ZFHX3: variants seen among roughly 807,000 people sequenced by gnomAD.
The protein encoded by ZFHX3 is zinc finger homeobox protein 3.
In ZFHX3, 42 loss-of-function variants were observed where a neutral mutation model predicts 279.1. The ratio of observed to expected loss-of-function variants is 0.15; its 90% CI spans 0.12 to 0.19. The LOEUF is 0.19. Among genes scored for constraint, ZFHX3 ranks in the 10% least tolerant of loss-of-function variants. The pLI, the probability that ZFHX3 is intolerant of heterozygous loss-of-function variation, is 1.00. For synonymous variants in ZFHX3, 2,293 were observed against 1,957.8 expected, an observed-to-expected ratio of 1.17 and a Z score of -4.52; for missense variants, 4,981 against 4,754.0, an observed-to-expected ratio of 1.05 and a Z score of -1.40.
chr16:73,713,521 G>A (rs1394148604), intron 1 of ZFHX3, among the ~76,000 whole-genome samples: 2 of 152,100 alleles, frequency 1.3e-5, no homozygotes, highest in East Asian at 1.9e-4. Flanking sequence ...TGAAGCTGGC[G>A]CAGCAGCATT....
intron 1 of ZFHX3, among the ~76,000 whole-genome samples, chr16:72,977,749 C>A (rs1403238277): frequency 6.6e-6 from 1 of 152,048 alleles, no homozygotes; most frequent in Non-Finnish European, 1.5e-5. Context: ...AAAAGCGGGG[C>A]AATGAAAATC....
chr16:72,966,717 C>T (rs1035795468), intron 1 of ZFHX3, among the ~76,000 whole-genome samples: 2 of 152,180 alleles, frequency 1.3e-5, no homozygotes, highest in Admixed American at 1.3e-4. Flanking sequence ...CAGCTATCCT[C>T]GGCTATATGA....
chr16:72,798,588 T>TTCTTCC lies in ZFHX3; in HGVS notation c.4088_4093dup (p.Lys1364_Lys1365insArgLys). 1 of 1,614,196 alleles carries TTCTTCC rather than the reference T, an allele frequency of 6.2e-7. No individual in the cohort carries two copies. The highest frequency in any genetic ancestry group is 1.7e-5 in the Admixed American group (1 of 60,036). Reference sequence around the variant, plus strand: ...AGTTTTGAAAACCTGGTTGCACCCCTTCTTCCAGCAGATGAAGCCTGAGTC... The same window carrying TTCTTCC: ...AGTTTTGAAAACCTGGTTGCACCCCTTCTTCCTCTTCCAGCAGATGAAGCCTGAGTC... On this transcript the variant is annotated inframe_insertion, in exon 9 of 10. Coordinates refer to ENST00000268489, the MANE Select transcript of ZFHX3 (RefSeq NM_006885.4).
intron 3 of ZFHX3, among the ~76,000 whole-genome samples, chr16:73,334,357 T>G (rs146128408): frequency 1.3e-5 from 2 of 152,082 alleles, no homozygotes; most frequent in Non-Finnish European, 1.5e-5. Context: ...AGGAAGGGGA[T>G]GTCAAGGGCA....
intron 1 of ZFHX3, among the ~76,000 whole-genome samples, chr16:73,757,187 G>T (rs1470492760): frequency 6.6e-6 from 1 of 152,038 alleles, no homozygotes; most frequent in Non-Finnish European, 1.5e-5. Context: ...GGGAGGGAAG[G>T]GTTGCCTGTA....
intron 5 of ZFHX3, among the ~76,000 whole-genome samples, chr16:73,184,210 G>C (rs1967863022): frequency 6.6e-6 from 1 of 152,160 alleles, no homozygotes; most frequent in Non-Finnish European, 1.5e-5. Flanking sequence ...TGGCTCAGTG[G>C]TGTCACCAGT....
intron 2 of ZFHX3, among the ~76,000 whole-genome samples, chr16:73,497,434 T>A (rs762984414): frequency 1.3e-4 from 20 of 152,178 alleles, no homozygotes; most frequent in Non-Finnish European, 2.4e-4. Flanking sequence ...TTTGGGAGGA[T>A]GAGGCAAGAG....
chr16:73,561,981 T>C (rs751942567), intron 2 of ZFHX3, among the ~76,000 whole-genome samples: 1 of 152,182 alleles, frequency 6.6e-6, no homozygotes, highest in Non-Finnish European at 1.5e-5. Flanking sequence ...AGTGCTGAAA[T>C]AGATTTTGTT....
chr16:72,882,006 TG>T (rs940007259), intron 4 of ZFHX3, among the ~76,000 whole-genome samples: 8 of 152,082 alleles, frequency 5.3e-5, no homozygotes, highest in Non-Finnish European at 7.3e-5. Flanking sequence ...GTGGCTCCCT[TG>T]GGGGTCCCCA....
intron 4 of ZFHX3, among the ~76,000 whole-genome samples, chr16:72,874,105 G>C (rs552080445): frequency 1.3e-5 from 2 of 151,938 alleles, no homozygotes; most frequent in African/African-American, 4.8e-5. Flanking sequence ...GCGGGGCTTT[G>C]GAGGAAACTT....
chr16:73,787,280 A>G (rs1440847401), intron 1 of ZFHX3, among the ~76,000 whole-genome samples: 1 of 152,184 alleles, frequency 6.6e-6, no homozygotes, highest in Non-Finnish European at 1.5e-5. Context: ...ATATCAGAGG[A>G]GGGAAAAGCA....
chr16:73,061,740 A>C (rs1965687053), upstream of ZFHX3: 1 of 152,176 alleles, frequency 6.6e-6, no homozygotes, highest in East Asian at 1.9e-4. Context: ...ATGTGGTAGA[A>C]TTAAATTCCT....
At chr16:73,173,009 T>G (rs1348923233) in intron 5 of ZFHX3, among the ~76,000 whole-genome samples, 396 of 24,822 alleles carry the variant, frequency 0.016, 2 homozygotes, top group Non-Finnish European at 0.025. Flanking sequence ...TTTTTTTTTG[T>G]TTTTTTTTTT....
chr16:73,430,762 A>T (rs772692980), intron 3 of ZFHX3, among the ~76,000 whole-genome samples: 2 of 152,214 alleles, frequency 1.3e-5, no homozygotes, highest in Non-Finnish European at 2.9e-5. Flanking sequence ...AATGTCTGGC[A>T]TGAAGTAAGT....
rs552431757 is a variant in ZFHX3, at chr16:73,368,215, G to A, written c.-1290-49879C>T. On this transcript the variant is annotated intron_variant, in intron 3 of 17. Transcript: ENST00000641206. ...TACATCCCCTTTTATCACCCAGGCT[G>A]TTGAGCAGAATAAATGAATTAATGA... Among the ~76,000 whole-genome samples, 26 of 152,274 alleles carry A rather than the reference G, an allele frequency of 1.7e-4. 1 individual carries two copies. The South Asian group carries it at 3.9e-3, about 23-fold the overall frequency.
intron 3 of ZFHX3, among the ~76,000 whole-genome samples, chr16:73,419,143 C>T (rs900448051): frequency 6.6e-6 from 1 of 152,178 alleles, no homozygotes; most frequent in Non-Finnish European, 1.5e-5. Flanking sequence ...GTGTTCTGTA[C>T]AAGCAAGATG....
chr16:73,093,661 G>T, intron 7 of ZFHX3: 1 of 449,426 alleles, frequency 2.2e-6, no homozygotes, highest in South Asian at 1.6e-5. Context: ...AATACAGTTC[G>T]CCATTACAGC....
chr16:73,855,187 G>C (rs1301027395), intron 1 of ZFHX3, among the ~76,000 whole-genome samples: 1 of 147,578 alleles, frequency 6.8e-6, no homozygotes, highest in African/African-American at 2.5e-5. Context: ...ATTTGAATCA[G>C]AGATTGTTTG....
chr16:72,848,875 G>T (rs985805957), intron 4 of ZFHX3, among the ~76,000 whole-genome samples: 3 of 152,110 alleles, frequency 2.0e-5, no homozygotes, highest in Non-Finnish European at 4.4e-5. Flanking sequence ...TGCCACGGCT[G>T]GAGCTGGCGA....
Sources: allele counts gnomAD v4.1 joint callset (sites outside exome capture counted in the v4.1 genomes callset), GRCh38; gene constraint gnomAD v4.1.1; transcripts MANE v1.5; gene names NCBI Gene and HGNC (gene_info 2026-07-23, HGNC 2026-07-21).